The following SVIP variants were observed in gnomAD, a reference collection of about 807,000 sequenced individuals.
SVIP encodes small VCP/p97-interacting protein.
A neutral mutation model predicts 12.9 loss-of-function variants in SVIP; 14 were observed. The ratio of observed to expected loss-of-function variants is 1.08; its 90% CI spans 0.72 to 1.70. The LOEUF (loss-of-function observed/expected upper bound fraction) is 1.70, where lower values mean the gene tolerates loss of function less well. Among genes scored for constraint, SVIP ranks in the 40% most tolerant of loss-of-function variants. SVIP has a pLI of 0.00. For missense variants in SVIP, 93 were observed against 90.8 expected, an observed-to-expected ratio of 1.02 and a Z score of -0.10; for synonymous variants, 35 against 33.3, an observed-to-expected ratio of 1.05 and a Z score of -0.17.
intron 3 of SVIP, among the ~76,000 whole-genome samples, chr11:22,824,379 G>C (rs959910127): frequency 1.3e-5 from 2 of 150,462 alleles, no homozygotes; most frequent in African/African-American, 4.9e-5. Flanking sequence ...GCAATCTCTT[G>C]ATAGTGTTTT....
rs1857487398 is a variant in SVIP at position 22,821,577 on chromosome 11, G to A, written c.*1542C>T. ...GATTTGCAGAGTTCAAGGATGATAT[G>A]CTCTAGCTCTATATGCACTCCGCTA... On this transcript the variant is annotated 3_prime_UTR_variant, in exon 4 of 4. Coordinates refer to ENST00000354193, the MANE Select transcript of SVIP (RefSeq NM_148893.3). The A allele has an allele frequency of 6.6e-6, 1 of 152,052 alleles. No individual in the cohort carries two copies. The highest frequency in any genetic ancestry group is 1.5e-5 in the Non-Finnish European group (1 of 68,006). 9.4% of individuals were successfully genotyped at this position (152,052 alleles called of 1,614,324 possible). A position where few individuals can be genotyped will look rare whatever the true frequency, so the allele number is the denominator to read the frequency against.
At chr11:22,823,789 G>A (rs1000523794) in intron 3 of SVIP, among the ~76,000 whole-genome samples, 1 of 152,098 alleles carries the variant, frequency 6.6e-6, no homozygotes, top group East Asian at 1.9e-4. Context: ...GGGTGAGGTG[G>A]GAATGGCTCA....
In SVIP at chr11:22,823,083, G is replaced by T; in HGVS notation, c.*36C>A. ...CCCACTTGATTGCAGATAATAAACA[G>T]TTATTGGCAGTAGATTCTTCTACTC... is the stretch of plus-strand genomic sequence containing the variant. On this transcript the variant is annotated 3_prime_UTR_variant, in exon 4 of 4. Coordinates refer to ENST00000354193, the MANE Select transcript of SVIP (RefSeq NM_148893.3). 1.3e-6 allele frequency: 2 copies of T among 1,554,034 alleles called. No homozygotes were observed. The highest frequency in any genetic ancestry group is 1.7e-6 in the Non-Finnish European group (2 of 1,143,198).
intron 3 of SVIP, among the ~76,000 whole-genome samples, chr11:22,824,507 T>C (rs1437234557): frequency 4.8e-5 from 7 of 146,678 alleles, no homozygotes; most frequent in African/African-American, 1.5e-4. Flanking sequence ...CGTATATATA[T>C]ACACACATAT....
chr11:22,828,070 A>T lies in SVIP; in HGVS notation c.55-196T>A, dbSNP rs1590174774. Among the ~76,000 whole-genome samples, 4 of 152,336 alleles carry T rather than the reference A, an allele frequency of 2.6e-5. No homozygotes were observed. The South Asian group carries it at 8.3e-4, about 32-fold the overall frequency. ...ATATGCCTTCAAATCAGCACATGCT[A>T]AAACAGATACAAGGTTTACCTATAT... On this transcript the variant is annotated intron_variant, in intron 1 of 3. Coordinates refer to ENST00000354193, the MANE Select transcript of SVIP (RefSeq NM_148893.3).
At position 22,820,613 on chromosome 11, in the gene SVIP, A is replaced by G. The variant is rs1369436687; in HGVS notation, c.*2506T>C. On this transcript the variant is annotated 3_prime_UTR_variant, in exon 4 of 4. Coordinates refer to ENST00000354193, the MANE Select transcript of SVIP (RefSeq NM_148893.3). Reference sequence around the variant, plus strand: ...AGAGACAGCTAAAGCTAATTTTTACATAGAAAAAAATGTATATTTATATCC... The same window carrying G: ...AGAGACAGCTAAAGCTAATTTTTACGTAGAAAAAAATGTATATTTATATCC... The G allele has an allele frequency of 6.6e-6, 1 of 152,232 alleles. No individual in the cohort carries two copies. Among genetic ancestry groups the G allele is most frequent in the Non-Finnish European group, 1.5e-5 (1 of 68,036 alleles). The allele number at this position is 152,232 out of a possible 1,614,324, so 9.4% of individuals were successfully genotyped here. A position where few individuals can be genotyped will look rare whatever the true frequency, so the allele number is the denominator to read the frequency against.
chr11:22,823,018 A>G lies in SVIP; in HGVS notation c.*101T>C. 2.8e-6 allele frequency: 3 copies of G among 1,059,140 alleles called. No individual in the cohort carries two copies. The highest frequency in any genetic ancestry group is 4.0e-6 in the Non-Finnish European group (3 of 746,716). 65.6% of individuals were successfully genotyped at this position (1,059,140 alleles called of 1,614,324 possible). A position where few individuals can be genotyped will look rare whatever the true frequency, so the allele number is the denominator to read the frequency against. ...AGGGCAATAATATTACAAAGTCTGA[A>G]TCTTCATTTACTCAAAGAGAAGAAA... On this transcript the variant is annotated 3_prime_UTR_variant, in exon 4 of 4. Coordinates refer to ENST00000354193, the MANE Select transcript of SVIP (RefSeq NM_148893.3).
In SVIP at chr11:22,827,313, G is replaced by A; in HGVS notation, c.113C>T (p.Ser38Phe). The A allele has an allele frequency of 1.9e-6, 3 of 1,593,618 alleles. No individual in the cohort carries two copies. Among genetic ancestry groups the A allele is most frequent in the Non-Finnish European group, 2.6e-6 (3 of 1,173,538 alleles). The change falls in exon 3 of 4, where the codon TCT becomes TTT. Residue 38 changes from serine (S) to phenylalanine (F), a missense_variant. Ser to Phe is a radical substitution (Grantham distance 155, BLOSUM62 -2). Coordinates refer to ENST00000354193, the MANE Select transcript of SVIP (RefSeq NM_148893.3). ...AAERRQKEAA[S>F]RGILDVQSVQ... ...AGATTGAACATCTAAAATTCCCCGA[G>A]ATGCAGCCTTGAAGAAATTTGATAA...
intron 3 of SVIP, among the ~76,000 whole-genome samples, chr11:22,826,394 A>G (rs866620852): frequency 6.6e-6 from 1 of 152,218 alleles, no homozygotes; most frequent in African/African-American, 2.4e-5. Context: ...AAAAACCAAT[A>G]AATCTGTTGA....
rs538663028 is a variant in SVIP at position 22,821,136 on chromosome 11, T to TTATA, written c.*1979_*1982dup. ...TATACACACATATATAATATATATA[T>TTATA]TATATATATATATAATTTTTTAGTC... On this transcript the variant is annotated 3_prime_UTR_variant, in exon 4 of 4. Coordinates refer to ENST00000354193, the MANE Select transcript of SVIP (RefSeq NM_148893.3). The TTATA allele has an allele frequency of 2.3e-4, 33 of 143,730 alleles. No homozygotes were observed. The highest frequency in any genetic ancestry group is 7.8e-4 in the African/African-American group (30 of 38,560). The allele number at this position is 143,730 out of a possible 1,614,324, so 8.9% of individuals were successfully genotyped here.
At chr11:22,829,365 C>G (rs1030804831) in intron 1 of SVIP, 16 of 274,054 alleles carry the variant, frequency 5.8e-5, no homozygotes, top group Admixed American at 1.1e-4. Context: ...CTACCACATC[C>G]CCCGGAATGT....
intron 3 of SVIP, among the ~76,000 whole-genome samples, chr11:22,825,870 A>G (rs1389070020): frequency 6.6e-6 from 1 of 152,194 alleles, no homozygotes; most frequent in Non-Finnish European, 1.5e-5. Context: ...TCTACTGTGA[A>G]ATAGTGGATC....
In SVIP at chr11:22,829,587, G is replaced by C. The variant is rs1349280111; in HGVS notation, c.54+108C>G. ...CCGTCCTCGCTAGCAGGGTCCCCCA[G>C]CGGGCTCTCGACCTGCGCCACCAGG... On this transcript the variant is annotated intron_variant, in intron 1 of 3. Transcript: ENST00000354193. 6.0e-6 allele frequency: 7 copies of C among 1,176,138 alleles called. No individual in the cohort carries two copies. The East Asian group carries it at 1.6e-4, about 28-fold the overall frequency. The allele number at this position is 1,176,138 out of a possible 1,614,324, so 72.9% of individuals were successfully genotyped here.
intron 1 of SVIP, chr11:22,829,403 CG>C (rs1857859358): frequency 2.9e-6 from 1 of 347,708 alleles, no homozygotes; most frequent in African/African-American, 2.1e-5. Flanking sequence ...CTGCGTGCGC[CG>C]GCGCCCTATG....
At chr11:22,823,403 GAGTAACTGT>G (rs2134747182) in intron 3 of SVIP, among the ~76,000 whole-genome samples, 1 of 152,314 alleles carries the variant, frequency 6.6e-6, no homozygotes, top group South Asian at 2.1e-4. Context: ...TAGTTTTCAA[GAGTAACTGT>G]AGAATGTGCT....
At chr11:22,826,204 T>C (rs1857695819) in intron 3 of SVIP, among the ~76,000 whole-genome samples, 1 of 152,184 alleles carries the variant, frequency 6.6e-6, no homozygotes, top group Non-Finnish European at 1.5e-5. Context: ...CGTACAATAG[T>C]AAAATACACA....
At chr11:22,826,188 A>G (rs922010451) in intron 3 of SVIP, among the ~76,000 whole-genome samples, 3 of 152,228 alleles carry the variant, frequency 2.0e-5, no homozygotes, top group Non-Finnish European at 4.4e-5. Flanking sequence ...ATATAAGATG[A>G]AGTAACGTAC....
rs1307043904 is a variant in SVIP, at chr11:22,821,740, G to C, written c.*1379C>G. On this transcript the variant is annotated 3_prime_UTR_variant, in exon 4 of 4. Coordinates refer to ENST00000354193, the MANE Select transcript of SVIP (RefSeq NM_148893.3). ...CGAATCCTCTAAAGAAGAAAATTGA[G>C]CCAAATTGTTATGTTTTGCCTAGAT... 6.6e-6 allele frequency: 1 copy of C among 152,048 alleles called. No homozygotes were observed. The allele number at this position is 152,048 out of a possible 1,614,324, so 9.4% of individuals were successfully genotyped here. A position where few individuals can be genotyped will look rare whatever the true frequency, so the allele number is the denominator to read the frequency against.
At chr11:22,824,007 G>T (rs1857576487) in intron 3 of SVIP, among the ~76,000 whole-genome samples, 1 of 152,154 alleles carries the variant, frequency 6.6e-6, no homozygotes, top group African/African-American at 2.4e-5. Flanking sequence ...TCTCACAGCT[G>T]AGATTACACG....
Sources: allele counts gnomAD v4.1 joint callset (sites outside exome capture counted in the v4.1 genomes callset), GRCh38; gene constraint gnomAD v4.1.1; transcripts MANE v1.5; gene names NCBI Gene and HGNC (gene_info 2026-07-23, HGNC 2026-07-21).